The following PTPRT variants were observed in gnomAD, a reference collection of about 807,000 sequenced individuals.
PTPRT encodes receptor-type tyrosine-protein phosphatase T.
A neutral mutation model predicts 176.8 loss-of-function variants in PTPRT; 56 were observed. The observed-to-expected ratio is 0.32, with a 90% CI of 0.26 to 0.40. PTPRT has a LOEUF of 0.40. Ranked by LOEUF, PTPRT falls within the 10% of genes least tolerant of loss-of-function variation. The probability of loss-of-function intolerance (pLI) is 1.00; values close to 1 mark genes in which losing one functional copy is unlikely to be tolerated. For missense variants in PTPRT, 1,540 were observed against 1,908.2 expected (o/e 0.81, Z 3.60); for synonymous variants, 783 against 739.0 (o/e 1.06, Z -0.96).
intron 9 of PTPRT, among the ~76,000 whole-genome samples, chr20:42,418,981 C>T (rs1044740238): frequency 2.0e-5 from 3 of 152,190 alleles, no homozygotes; most frequent in African/African-American, 2.4e-5. Context: ...GGTCCATCAG[C>T]GTATCCCAAC....
At position 42,970,442 on chromosome 20, in the gene PTPRT, A is replaced by G. The variant is rs868511288; in HGVS notation, c.89-84510T>C. On this transcript the variant is annotated intron_variant, in intron 1 of 30. Coordinates refer to ENST00000373187, the MANE Select transcript of PTPRT (RefSeq NM_007050.6). ...TTTTCTCACACTACAGTGGTTATACAGACCCTGGAGCTAGACAGGTTGTGC... is the reference window on the plus strand; with the variant it reads ...TTTTCTCACACTACAGTGGTTATACGGACCCTGGAGCTAGACAGGTTGTGC... Among the ~76,000 whole-genome samples, 5 of 152,184 alleles carry G rather than the reference A, an allele frequency of 3.3e-5. 1 individual carries two copies. Among genetic ancestry groups the G allele is most frequent in the South Asian group, 4.1e-4 (2 of 4,828 alleles).
intron 1 of PTPRT, among the ~76,000 whole-genome samples, chr20:42,996,222 C>T (rs553906652): frequency 1.3e-5 from 2 of 152,134 alleles, no homozygotes; most frequent in Non-Finnish European, 2.9e-5. Flanking sequence ...CACATGTGAG[C>T]AACTTCTATA....
chr20:42,852,863 G>A (rs567184865), intron 2 of PTPRT, among the ~76,000 whole-genome samples: 1 of 152,238 alleles, frequency 6.6e-6, no homozygotes, highest in East Asian at 1.9e-4. Flanking sequence ...GACCTCCCTA[G>A]AGAGTGAACA....
chr20:42,756,779 G>A (rs2076839756), intron 5 of PTPRT, 143 bp from the exon 6 acceptor site: 2 of 706,034 alleles, frequency 2.8e-6, no homozygotes, highest in Non-Finnish European at 4.4e-6. Context: ...GCCAGGCACA[G>A]TGGCTCATGC....
At chr20:43,010,634 AC>A (rs1294427311) in intron 1 of PTPRT, among the ~76,000 whole-genome samples, 2 of 152,154 alleles carry the variant, frequency 1.3e-5, no homozygotes, top group African/African-American at 4.8e-5. Context: ...GTCAACCACA[AC>A]AATCAACATC....
chr20:42,721,599 G>A (rs910470885), intron 6 of PTPRT, among the ~76,000 whole-genome samples: 6 of 152,336 alleles, frequency 3.9e-5, no homozygotes, highest in African/African-American at 7.2e-5. Flanking sequence ...GGGGAAGAGG[G>A]TCAGTCAGTG....
At chr20:43,086,267 C>T (rs971116571) in intron 1 of PTPRT, among the ~76,000 whole-genome samples, 4 of 152,312 alleles carry the variant, frequency 2.6e-5, no homozygotes, top group South Asian at 2.1e-4. Flanking sequence ...GAGGCAAGGG[C>T]GCCCTCACTC....
chr20:42,979,584 G>A (rs1983153696), intron 1 of PTPRT, among the ~76,000 whole-genome samples: 1 of 151,968 alleles, frequency 6.6e-6, no homozygotes, highest in Non-Finnish European at 1.5e-5. Context: ...GAAAAAAAAA[G>A]GAGAAGTAAA....
intron 7 of PTPRT, among the ~76,000 whole-genome samples, chr20:42,621,155 C>G (rs1445622202): frequency 1.3e-5 from 2 of 152,120 alleles, no homozygotes; most frequent in Non-Finnish European, 2.9e-5. Flanking sequence ...TCACCTGCCT[C>G]CTTTCTTTCC....
intron 7 of PTPRT, among the ~76,000 whole-genome samples, chr20:42,533,558 A>C (rs1021723141): frequency 9.2e-5 from 14 of 152,122 alleles, no homozygotes; most frequent in Admixed American, 2.0e-4. Context: ...AATTAAGAGA[A>C]AAAACTCAAG....
intron 7 of PTPRT, among the ~76,000 whole-genome samples, chr20:42,550,396 T>G (rs937519413): frequency 1.3e-5 from 2 of 151,978 alleles, no homozygotes; most frequent in Non-Finnish European, 2.9e-5. Context: ...ATAAGGCAAA[T>G]GCCACCCCTG....
chr20:42,309,567 C>T lies in PTPRT; in HGVS notation c.2139+6156G>A, dbSNP rs555753642. On this transcript the variant is annotated intron_variant, in intron 12 of 30. Transcript: ENST00000373187. ...TCTCATTCTACGCTGAATGGAAATTCAGACTGTACTGACACCTACTTGGTG... is the reference window on the plus strand; with the variant it reads ...TCTCATTCTACGCTGAATGGAAATTTAGACTGTACTGACACCTACTTGGTG... Among the ~76,000 whole-genome samples, 36 of 152,312 alleles carry T rather than the reference C, an allele frequency of 2.4e-4. 1 individual carries two copies. The South Asian group carries it at 7.5e-3, about 32-fold the overall frequency.
chr20:42,199,137 C>T (rs997631177), intron 16 of PTPRT, 103 bp downstream of exon 16: 3 of 1,394,742 alleles, frequency 2.2e-6, no homozygotes, highest in Non-Finnish European at 2.0e-6. Context: ...GCATCCATAC[C>T]CTATGCCTGG....
intron 12 of PTPRT, among the ~76,000 whole-genome samples, chr20:42,290,842 C>T (rs2057305878): frequency 6.6e-6 from 1 of 151,972 alleles, no homozygotes; most frequent in South Asian, 2.1e-4. Context: ...CACAGTGGAA[C>T]TGTTTAGGTC....
intron 1 of PTPRT, among the ~76,000 whole-genome samples, chr20:42,951,411 G>A (rs551485294): frequency 2.6e-4 from 39 of 151,920 alleles, no homozygotes; most frequent in African/African-American, 3.6e-4. Flanking sequence ...GTGGGTAAGC[G>A]AGTGGATGGA....
chr20:42,270,311 G>A, intron 13 of PTPRT: 1 of 1,303,026 alleles, frequency 7.7e-7, no homozygotes, highest in African/African-American at 1.5e-5. Flanking sequence ...AAAGACTGCT[G>A]ATTCCTCTCT....
rs572511061 is a variant in PTPRT, at chr20:42,213,911, G to A, written c.2343-14523C>T. On this transcript the variant is annotated intron_variant, in intron 15 of 30. Transcript: ENST00000373187. ...GTGAGACATTGGTACAGTAGCCTGAGGAAACTAATAAAATGACCATAATTC... is the reference window on the plus strand; with the variant it reads ...GTGAGACATTGGTACAGTAGCCTGAAGAAACTAATAAAATGACCATAATTC... 3.9e-5 allele frequency among the ~76,000 whole-genome samples: 6 copies of A among 152,170 alleles called. No individual in the cohort carries two copies. The South Asian group carries it at 8.3e-4, about 21-fold the overall frequency.
intron 9 of PTPRT, among the ~76,000 whole-genome samples, chr20:42,420,023 G>T (rs2059104250): frequency 6.6e-6 from 1 of 152,140 alleles, no homozygotes; most frequent in African/African-American, 2.4e-5. Flanking sequence ...TTCGGAGGGG[G>T]TGGGGACCTG....
At chr20:43,014,027 T>C (rs1985259071) in intron 1 of PTPRT, among the ~76,000 whole-genome samples, 1 of 152,188 alleles carries the variant, frequency 6.6e-6, no homozygotes, top group Non-Finnish European at 1.5e-5. Context: ...ACATACTAGG[T>C]ATTGCTGATT....
Sources: allele counts gnomAD v4.1 joint callset (sites outside exome capture counted in the v4.1 genomes callset), GRCh38; gene constraint gnomAD v4.1.1; transcripts MANE v1.5; gene names NCBI Gene and HGNC (gene_info 2026-07-23, HGNC 2026-07-21).